The following SDK2 variants were observed in gnomAD, a reference collection of about 807,000 sequenced individuals.
SDK2 encodes sidekick cell adhesion molecule 2.
In SDK2, 105 loss-of-function variants were observed where a neutral mutation model predicts 253.9. That is an observed-to-expected ratio of 0.41 (90% CI 0.35 to 0.49). The LOEUF (loss-of-function observed/expected upper bound fraction) is 0.49. SDK2 is among the 20% of genes least tolerant of loss of function. The pLI, the probability that SDK2 is intolerant of heterozygous loss-of-function variation, is 0.06. For synonymous variants in SDK2, 1,249 were observed against 1,234.9 expected (o/e 1.01, Z -0.24); for missense variants, 2,608 against 3,003.0 (o/e 0.87, Z 3.07).
rs564612143 is a variant in SDK2, at chr17:73,426,497, G to A, written c.1584-2405C>T. Among the ~76,000 whole-genome samples the A allele has an allele frequency of 2.8e-4, 42 of 152,000 alleles. 2 individuals carry two copies. In the South Asian group the frequency reaches 8.3e-3, roughly 30 times the overall value. On this transcript the variant is annotated intron_variant, in intron 12 of 44. Coordinates refer to ENST00000392650, the MANE Select transcript of SDK2 (RefSeq NM_001144952.2). The stretch of plus-strand genomic sequence containing the variant: ...AGTACAGCTGTTTTGTAATTTAACC[G>A]ATCCCATAATGTTGGACATCCAGTT...
chr17:73,472,085 C>A (rs980930722), intron 3 of SDK2, 27 bp downstream of exon 3: 130 of 1,516,760 alleles, frequency 8.6e-5, no homozygotes, highest in Non-Finnish European at 1.0e-4. Context: ...GTCGCCCCCC[C>A]TGCCCCTGGG....
At chr17:73,450,014 G>A (rs1018861917) in intron 4 of SDK2, among the ~76,000 whole-genome samples, 3 of 152,208 alleles carry the variant, frequency 2.0e-5, no homozygotes, top group Non-Finnish European at 4.4e-5. Flanking sequence ...ATAGGAGGTG[G>A]GGCCAGAGCC....
intron 4 of SDK2, among the ~76,000 whole-genome samples, chr17:73,451,418 T>A (rs543776169): frequency 1.3e-5 from 2 of 152,156 alleles, no homozygotes; most frequent in Non-Finnish European, 2.9e-5. Context: ...GCAGGAGAAT[T>A]GCTTGAACTC....
chr17:73,461,384 T>C (rs1267892189), intron 3 of SDK2, among the ~76,000 whole-genome samples: 1 of 152,248 alleles, frequency 6.6e-6, no homozygotes, highest in Non-Finnish European at 1.5e-5. Flanking sequence ...CGTTTGGTGA[T>C]GTCTATGACA....
chr17:73,365,222 G>C (rs549496670), intron 38 of SDK2, 36 bp downstream of exon 38: 7 of 1,508,636 alleles, frequency 4.6e-6, no homozygotes, highest in South Asian at 1.3e-5. Context: ...TTTGCAAAGT[G>C]GGGGGCTGGG....
chr17:73,466,957 G>A (rs1055246429), intron 3 of SDK2, among the ~76,000 whole-genome samples: 1 of 152,134 alleles, frequency 6.6e-6, no homozygotes, highest in Non-Finnish European at 1.5e-5. Context: ...CACGCTTTCG[G>A]ACCTCCATCC....
intron 29 of SDK2, among the ~76,000 whole-genome samples, chr17:73,388,817 TC>T (rs746565305): frequency 0.48 from 33,456 of 70,170 alleles, 6,361 homozygotes; most frequent in South Asian, 0.63. Context: ...CTTCCCTCCC[TC>T]TCCTTCCTTC....
intron 1 of SDK2, among the ~76,000 whole-genome samples, chr17:73,588,204 C>A (rs950887219): frequency 6.7e-6 from 1 of 148,442 alleles, no homozygotes; most frequent in African/African-American, 2.5e-5. Context: ...GAGACCCCCC[C>A]CCCTCCCCCG....
rs2064197371 is a variant in SDK2, at chr17:73,534,412, A to G, written c.65-26815T>C. On this transcript the variant is annotated intron_variant, in intron 1 of 44. Transcript: ENST00000392650. The surrounding 1 kb of genome is among the most constrained non-coding windows in gnomAD (Gnocchi z 4.9). ...GCATTCCTGGGACAGAGGCAGTGCT[A>G]AAGAGACGATTGCCGACAGATGCCT... Among the ~76,000 whole-genome samples the G allele has an allele frequency of 6.6e-6, 1 of 152,108 alleles. No individual in the cohort carries two copies. Among genetic ancestry groups the G allele is most frequent in the South Asian group, 2.1e-4 (1 of 4,822 alleles).
At chr17:73,462,518 G>A (rs1184460996) in intron 3 of SDK2, among the ~76,000 whole-genome samples, 2 of 152,064 alleles carry the variant, frequency 1.3e-5, no homozygotes, top group Non-Finnish European at 2.9e-5. Flanking sequence ...ATGGATGCAT[G>A]TGTGGTGGGA....
intron 1 of SDK2, among the ~76,000 whole-genome samples, chr17:73,595,438 G>A (rs2045743239): frequency 6.6e-6 from 1 of 152,140 alleles, no homozygotes; most frequent in African/African-American, 2.4e-5. Flanking sequence ...GGAGGCCCTT[G>A]TGCTTCCAAG....
chr17:73,481,441 T>C lies in SDK2; in HGVS notation c.225-9223A>G, dbSNP rs896632394. ...CCCAGACAGCTGGTAAAGGATGGTC[T>C]GGGTGTGTCTGTGAGGGTGTTTCTA... On this transcript the variant is annotated intron_variant, in intron 2 of 44. Transcript: ENST00000392650. This position sits in a 1 kb window ranked among gnomAD's most constrained non-coding sequence, Gnocchi z 4.5. 3.3e-5 allele frequency among the ~76,000 whole-genome samples: 5 copies of C among 152,088 alleles called. No homozygotes were observed. The highest frequency in any genetic ancestry group is 7.2e-5 in the African/African-American group (3 of 41,430).
chr17:73,522,546 C>A (rs1440307064), intron 1 of SDK2, among the ~76,000 whole-genome samples: 4 of 152,234 alleles, frequency 2.6e-5, no homozygotes, highest in Non-Finnish European at 5.9e-5. Context: ...CATAGCCCAT[C>A]TGTGGTAGAG....
At chr17:73,509,231 G>A (rs980697695) in intron 1 of SDK2, among the ~76,000 whole-genome samples, 1 of 152,210 alleles carries the variant, frequency 6.6e-6, no homozygotes, top group Non-Finnish European at 1.5e-5. Flanking sequence ...AGTGGACACA[G>A]GAAAAGAAAT....
chr17:73,369,405 CGGCCAAGACGGCG>C, intron 36 of SDK2, among the ~76,000 whole-genome samples: 1 of 152,360 alleles, frequency 6.6e-6, no homozygotes, highest in Non-Finnish European at 1.5e-5. Flanking sequence ...AGGAAGGCCT[CGGCCAAGACGGCG>C]GGCAGCGGGA....
chr17:73,573,987 C>T (rs1162458847), intron 1 of SDK2, among the ~76,000 whole-genome samples: 4 of 152,208 alleles, frequency 2.6e-5, no homozygotes, highest in Non-Finnish European at 5.9e-5. Context: ...CACTCCAGTG[C>T]CACTCCCCAG....
Position 73,390,526 on chromosome 17 carries a change from C to G in SDK2, c.3998-45G>C, listed in dbSNP as rs368453164. The G allele has an allele frequency of 1.9e-6, 3 of 1,556,968 alleles. No homozygotes were observed. In the East Asian group the frequency reaches 6.9e-5, roughly 36 times the overall value. Reference sequence around the variant, plus strand: ...GGCTATTATGGCAAGCAAGGCAAGCCGCTCCTAGGGCCCCGGGAAGGGTTG... The same window carrying G: ...GGCTATTATGGCAAGCAAGGCAAGCGGCTCCTAGGGCCCCGGGAAGGGTTG... On this transcript the variant is annotated intron_variant, in intron 28 of 44. Coordinates refer to ENST00000392650, the MANE Select transcript of SDK2 (RefSeq NM_001144952.2).
rs945645380 is a variant in SDK2, at chr17:73,570,337, T to A, written c.65-62740A>T. On this transcript the variant is annotated intron_variant, in intron 1 of 44. Coordinates refer to ENST00000392650, the MANE Select transcript of SDK2 (RefSeq NM_001144952.2). The surrounding 1 kb of genome is among the most constrained non-coding windows in gnomAD (Gnocchi z 4.2). The stretch of plus-strand genomic sequence containing the variant: ...ACAACCCATAGGTTCTGTGAGCTCC[T>A]GGCTCTGTTTTCTCAAATCGCAGCA... Among the ~76,000 whole-genome samples the A allele has an allele frequency of 1.3e-5, 2 of 152,208 alleles. No individual in the cohort carries two copies. Among genetic ancestry groups the A allele is most frequent in the African/African-American group, 4.8e-5 (2 of 41,454 alleles).
chr17:73,476,272 C>T (rs1042380497), intron 2 of SDK2, among the ~76,000 whole-genome samples: 3 of 152,168 alleles, frequency 2.0e-5, no homozygotes, highest in Non-Finnish European at 4.4e-5. Flanking sequence ...TACACAAGCA[C>T]AAACGCACAC....
Sources: allele counts gnomAD v4.1 joint callset (sites outside exome capture counted in the v4.1 genomes callset), GRCh38; gene constraint gnomAD v4.1.1; non-coding constraint Gnocchi (gnomAD v3.1); transcripts MANE v1.5; gene names NCBI Gene and HGNC (gene_info 2026-07-23, HGNC 2026-07-21).